The following MEGF11 variants were observed in gnomAD, a reference collection of about 807,000 sequenced individuals.
MEGF11 encodes multiple epidermal growth factor-like domains protein 11.
In MEGF11, 126 loss-of-function variants were observed where a neutral mutation model predicts 146.6. The ratio of observed to expected loss-of-function variants is 0.86; its 90% CI spans 0.74 to 1.00. The LOEUF is 1.00. Ranked by LOEUF, MEGF11 falls within the 50% of genes least tolerant of loss-of-function variation. The pLI is 0.00. For synonymous variants in MEGF11, 532 were observed against 583.4 expected, an observed-to-expected ratio of 0.91 and a Z score of 1.27; for missense variants, 1,509 against 1,521.2, an observed-to-expected ratio of 0.99 and a Z score of 0.13.
chr15:65,966,808 A>AC lies in MEGF11; in HGVS notation c.900-1689dup, dbSNP rs1008752985. 9.9e-5 allele frequency among the ~76,000 whole-genome samples: 15 copies of AC among 151,690 alleles called. No homozygotes were observed. In the East Asian group the frequency reaches 1.2e-3, roughly 12 times the overall value. ...TGTGGCTCCTCCGTGGGCGAGTGTG[A>AC]CCCCCCACTGCTGACCACCTGGTTT... On this transcript the variant is annotated intron_variant, in intron 8 of 25. Transcript: ENST00000395614.
Position 65,916,913 on chromosome 15 carries a change from G to A in MEGF11, c.2130C>T (p.Cys710=), listed in dbSNP as rs760452184. The change falls in exon 17 of 26, where the codon TGC becomes TGT. Residue 710 remains cysteine, a synonymous_variant. Coordinates refer to ENST00000395614, the MANE Select transcript of MEGF11 (RefSeq NM_001385028.1). ...TGCAGCTCGCCCCGTTGTGGCAGCT[G>A]CATGCGTGGAAGCAGGCGGGGCCCC... The part of the protein sequence containing the change: ...GFWGPACFHA[C]SCHNGASCSA... The A allele has an allele frequency of 1.9e-6, 3 of 1,572,970 alleles. No individual in the cohort carries two copies. In the African/African-American group the frequency reaches 4.1e-5, roughly 21 times the overall value.
chr15:65,976,553 A>G (rs1003145493), intron 7 of MEGF11, among the ~76,000 whole-genome samples: 1 of 152,204 alleles, frequency 6.6e-6, no homozygotes, highest in African/African-American at 2.4e-5. Context: ...TCTACAAGCC[A>G]AGGAAAGAGG....
At chr15:66,043,643 C>T (rs1456452550) in intron 5 of MEGF11, among the ~76,000 whole-genome samples, 1 of 152,208 alleles carries the variant, frequency 6.6e-6, no homozygotes, top group Non-Finnish European at 1.5e-5. Context: ...AAGAACTGGC[C>T]CTGCTGAGAA....
chr15:65,963,512 C>T (rs1218090993), intron 9 of MEGF11, among the ~76,000 whole-genome samples: 1 of 151,600 alleles, frequency 6.6e-6, no homozygotes, highest in Non-Finnish European at 1.5e-5. Context: ...AATGGTATGT[C>T]ATGGTTCAGT....
intron 10 of MEGF11, among the ~76,000 whole-genome samples, chr15:65,935,476 G>C (rs1305346436): frequency 6.6e-6 from 1 of 151,954 alleles, no homozygotes; most frequent in Non-Finnish European, 1.5e-5. Flanking sequence ...GATAGTGTCA[G>C]AATTGAATTG....
rs2078384061 is a variant in MEGF11 at position 65,897,659 on chromosome 15, C to T, written c.*275G>A. The T allele has an allele frequency of 4.1e-6, 1 of 245,294 alleles. No homozygotes were observed. Among genetic ancestry groups the T allele is most frequent in the Non-Finnish European group, 7.7e-6 (1 of 129,558 alleles). The allele number at this position is 245,294 out of a possible 1,614,324, so 15.2% of individuals were successfully genotyped here. ...ATATATATATATCAGCTATATTTAG[C>T]TGATGTTGATGAGTAGCTGTATCTT... On this transcript the variant is annotated 3_prime_UTR_variant, in exon 26 of 26. Coordinates refer to ENST00000395614, the MANE Select transcript of MEGF11 (RefSeq NM_001385028.1).
At chr15:66,063,852 G>C (rs1021175884) in intron 5 of MEGF11, among the ~76,000 whole-genome samples, 3 of 152,206 alleles carry the variant, frequency 2.0e-5, no homozygotes, top group Non-Finnish European at 4.4e-5. Context: ...ACATTGCTGG[G>C]AGCATGTACT....
intron 1 of MEGF11, among the ~76,000 whole-genome samples, chr15:66,223,742 G>A (rs1476365341): frequency 6.6e-6 from 1 of 152,118 alleles, no homozygotes; most frequent in African/African-American, 2.4e-5. Flanking sequence ...AAATAAAAAT[G>A]AAACAAAATA....
At chr15:66,099,162 C>G (rs182435704) in intron 4 of MEGF11, among the ~76,000 whole-genome samples, 8 of 151,610 alleles carry the variant, frequency 5.3e-5, no homozygotes, top group Non-Finnish European at 1.0e-4. Flanking sequence ...CCCACCCAAC[C>G]TGGCCAAGAG....
At chr15:66,054,925 A>G (rs2140371203) in intron 5 of MEGF11, among the ~76,000 whole-genome samples, 1 of 152,322 alleles carries the variant, frequency 6.6e-6, no homozygotes, top group Admixed American at 6.5e-5. Flanking sequence ...TAGTCCAGAA[A>G]GTATATGTCT....
intron 5 of MEGF11, among the ~76,000 whole-genome samples, chr15:66,002,002 C>G (rs1229748637): frequency 1.3e-5 from 2 of 152,016 alleles, no homozygotes; most frequent in African/African-American, 2.4e-5. Flanking sequence ...TAATTGGCAG[C>G]TAATTGAATA....
chr15:66,115,758 G>T (rs921455888), intron 4 of MEGF11, among the ~76,000 whole-genome samples: 11 of 152,182 alleles, frequency 7.2e-5, no homozygotes, highest in African/African-American at 2.7e-4. Context: ...CCACTATGAC[G>T]TGTGTGCTCA....
intron 10 of MEGF11, among the ~76,000 whole-genome samples, chr15:65,944,168 G>C (rs557578160): frequency 1.5e-3 from 234 of 152,286 alleles, no homozygotes; most frequent in African/African-American, 5.2e-3. Flanking sequence ...GGCAGGGTGG[G>C]GAATAGAGTA....
intron 10 of MEGF11, among the ~76,000 whole-genome samples, chr15:65,937,439 C>T (rs2079831008): frequency 6.6e-6 from 1 of 152,254 alleles, no homozygotes; most frequent in Admixed American, 6.5e-5. Context: ...AGTCTATCTT[C>T]TCTTCCGATA....
chr15:66,002,381 A>G (rs2082395670), intron 5 of MEGF11, among the ~76,000 whole-genome samples: 1 of 152,178 alleles, frequency 6.6e-6, no homozygotes, highest in Non-Finnish European at 1.5e-5. Flanking sequence ...GTCACTCACA[A>G]AGCCCAGGAG....
intron 5 of MEGF11, 99 bp downstream of exon 5, chr15:66,094,303 C>T: frequency 9.9e-7 from 1 of 1,011,354 alleles, no homozygotes; most frequent in Non-Finnish European, 1.5e-6. Context: ...CCCCAAGTCG[C>T]CCCAGCACAA....
At chr15:66,122,959 AT>A (rs1272575558) in intron 3 of MEGF11, among the ~76,000 whole-genome samples, 1 of 151,768 alleles carries the variant, frequency 6.6e-6, no homozygotes, top group African/African-American at 2.4e-5. Context: ...AATTTTTTGT[AT>A]TTTTAGTAGA....
In MEGF11 at chr15:65,928,459, G is replaced by A. The variant is rs780317183; in HGVS notation, c.1641C>T (p.Val547=). The A allele has an allele frequency of 6.2e-7, 1 of 1,603,978 alleles. No individual in the cohort carries two copies. Among genetic ancestry groups the A allele is most frequent in the South Asian group, 1.1e-5 (1 of 88,994 alleles). ...DCSHADGCDP[V]TGHCCCLAGW... is the part of the protein sequence containing the mutation. ...CGGCCAGGCAGCAGCAGTGGCCTGT[G>A]ACGGGGTCACATCCATCAGCATGGC... is the stretch of plus-strand genomic sequence containing the variant. The change falls in exon 13 of 26, where the codon GTC becomes GTT. Residue 547 remains valine (V), a synonymous_variant. Transcript: ENST00000395614.
chr15:66,048,120 A>G (rs750021198), intron 5 of MEGF11, among the ~76,000 whole-genome samples: 24 of 151,946 alleles, frequency 1.6e-4, no homozygotes, highest in Admixed American at 2.6e-4. Context: ...TAATTTTTGT[A>G]TTTTTAGTAG....
Sources: allele counts gnomAD v4.1 joint callset (sites outside exome capture counted in the v4.1 genomes callset), GRCh38; gene constraint gnomAD v4.1.1; transcripts MANE v1.5; gene names NCBI Gene and HGNC (gene_info 2026-07-23, HGNC 2026-07-21).